The following CCR5AS variants were observed in gnomAD, a reference collection of about 807,000 sequenced individuals.
The protein encoded by CCR5AS is CCR5 antisense RNA.
intron 2 of CCR5AS, among the ~76,000 whole-genome samples, chr3:46,388,882 G>C (rs996590756): frequency 9.9e-5 from 15 of 152,216 alleles, no homozygotes; most frequent in African/African-American, 3.6e-4. Flanking sequence ...AGGGTGCCCT[G>C]TCAGCAAAGA....
intron 2 of CCR5AS, chr3:46,374,152 T>C (rs1054984862): frequency 5.2e-5 from 22 of 420,170 alleles, no homozygotes; most frequent in Middle Eastern, 1.3e-3. Flanking sequence ...CCATCAATTA[T>C]AGAAAGCCAA....
chr3:46,381,551 T>A (rs1252755808), intron 2 of CCR5AS, among the ~76,000 whole-genome samples: 1 of 152,214 alleles, frequency 6.6e-6, no homozygotes, highest in Non-Finnish European at 1.5e-5. Context: ...TTCCTCCTTT[T>A]GAAACTGCAT....
Position 46,398,702 on chromosome 3 carries a change from T to C in CCR5AS, n.164-5650A>G, listed in dbSNP as rs139112862. Among the ~76,000 whole-genome samples, 693 of 152,318 alleles carry C rather than the reference T, an allele frequency of 4.5e-3. 3 individuals are homozygous for C. Among genetic ancestry groups the C allele is most frequent in the Non-Finnish European group, 8.1e-3 (548 of 68,028 alleles). Reference sequence around the variant, plus strand: ...CAATAGGGTTTTTTAAATTCTTTTTTCTTGTCTTTTTTTCTTTTTTAATTT... The same window carrying C: ...CAATAGGGTTTTTTAAATTCTTTTTCCTTGTCTTTTTTTCTTTTTTAATTT... On this transcript the variant is annotated intron_variant and non_coding_transcript_variant, in intron 1 of 3. Coordinates refer to ENST00000451485, the Ensembl canonical transcript of CCR5AS.
At chr3:46,390,107 T>A (rs1194347082) in intron 2 of CCR5AS, among the ~76,000 whole-genome samples, 1 of 151,916 alleles carries the variant, frequency 6.6e-6, no homozygotes, top group Admixed American at 6.6e-5. Flanking sequence ...AGAAAGGGCC[T>A]GGCCAAAGTA....
intron 2 of CCR5AS, chr3:46,373,717 C>G (rs762989437): frequency 7.4e-6 from 12 of 1,613,988 alleles, no homozygotes; most frequent in Non-Finnish European, 9.3e-6. Flanking sequence ...TGCAGTAGCT[C>G]TAACAGGTTG....
chr3:46,368,932 G>A (rs1402938196), intron 3 of CCR5AS, among the ~76,000 whole-genome samples: 2 of 152,130 alleles, frequency 1.3e-5, no homozygotes, highest in African/African-American at 4.8e-5. Context: ...GTGTTGGTCC[G>A]GCAGCCTCCG....
intron 3 of CCR5AS, among the ~76,000 whole-genome samples, chr3:46,365,685 A>C (rs951711529): frequency 5.3e-5 from 8 of 152,150 alleles, no homozygotes; most frequent in Non-Finnish European, 8.8e-5. Context: ...GGGCCTAGAT[A>C]TGGTGGGGGC....
At chr3:46,390,259 T>G (rs775739032) in intron 2 of CCR5AS, among the ~76,000 whole-genome samples, 76 of 151,830 alleles carry the variant, frequency 5.0e-4, no homozygotes, top group Non-Finnish European at 9.4e-4. Flanking sequence ...ATCTTTGAGG[T>G]CGATAACAGA....
At chr3:46,404,532 T>C (rs1702030600) in intron 1 of CCR5AS, among the ~76,000 whole-genome samples, 1 of 151,762 alleles carries the variant, frequency 6.6e-6, no homozygotes, top group Admixed American at 6.6e-5. Flanking sequence ...GAGATGAAGT[T>C]TTGCCATGTC....
intron 1 of CCR5AS, among the ~76,000 whole-genome samples, chr3:46,394,611 G>A (rs761348258): frequency 8.5e-5 from 13 of 152,132 alleles, no homozygotes; most frequent in African/African-American, 1.4e-4. Context: ...CCAGCGAGAC[G>A]TCCTGAGATT....
At chr3:46,376,077 T>C (rs1401301134) in intron 2 of CCR5AS, 1 of 167,098 alleles carries the variant, frequency 6.0e-6, no homozygotes, top group Non-Finnish European at 1.5e-5. Flanking sequence ...AACAGTAGCA[T>C]AGGACCCTAC....
In CCR5AS at chr3:46,368,108, G is replaced by A. The variant is rs541907909; in HGVS notation, n.566-3063C>T. Among the ~76,000 whole-genome samples, 44 of 152,268 alleles carry A rather than the reference G, an allele frequency of 2.9e-4. 1 individual carries two copies. Among genetic ancestry groups the A allele is most frequent in the Non-Finnish European group, 7.4e-5 (5 of 68,012 alleles). ...AAAATATGGTCCAGAAATGGTGTGA[G>A]CAAGGAGACAGCAAAGCAATGCTTG... On this transcript the variant is annotated intron_variant and non_coding_transcript_variant, in intron 3 of 3. Coordinates refer to ENST00000451485, the Ensembl canonical transcript of CCR5AS.
intron 2 of CCR5AS, among the ~76,000 whole-genome samples, chr3:46,380,701 GC>G (rs1362299068): frequency 2.0e-5 from 3 of 152,240 alleles, no homozygotes; most frequent in Non-Finnish European, 2.9e-5. Context: ...TTCACGATCA[GC>G]ACCTGTGTGC....
intron 1 of CCR5AS, among the ~76,000 whole-genome samples, chr3:46,405,874 T>G (rs1024470544): frequency 1.3e-5 from 2 of 151,096 alleles, no homozygotes; most frequent in African/African-American, 2.4e-5. Context: ...TCCTCCTCCT[T>G]CTTCTTTTTT....
At chr3:46,392,476 G>A (rs112368251) in intron 2 of CCR5AS, among the ~76,000 whole-genome samples, 20,419 of 152,122 alleles carry the variant, frequency 0.13, 1,513 homozygotes, top group Non-Finnish European at 0.15. Context: ...GGAGAAGGGG[G>A]GAGGTGAGCA....
At chr3:46,364,597 A>G (rs921851574) in exon 4 of CCR5AS, among the ~76,000 whole-genome samples, 1 of 151,950 alleles carries the variant, frequency 6.6e-6, no homozygotes, top group African/African-American at 2.4e-5. Context: ...TTCAAGTCTT[A>G]TTAAGAAATA....
intron 2 of CCR5AS, chr3:46,374,198 A>G (rs183840358): frequency 2.4e-5 from 9 of 376,240 alleles, no homozygotes; most frequent in African/African-American, 8.3e-5. Context: ...CAACCTTTTT[A>G]TCTCCCCTTC....
At chr3:46,370,113 A>G (rs1285343571) in intron 3 of CCR5AS, among the ~76,000 whole-genome samples, 1 of 152,064 alleles carries the variant, frequency 6.6e-6, no homozygotes, top group Non-Finnish European at 1.5e-5. Context: ...TTGACCATAT[A>G]CTTATGTCAT....
At chr3:46,373,892 G>A (rs35853487) in intron 2 of CCR5AS, 1 of 1,611,440 alleles carries the variant, frequency 6.2e-7, no homozygotes, top group East Asian at 2.2e-5. Flanking sequence ...TCCAGCAAGA[G>A]GCTCCCGAGC....
Sources: gnomAD v4.1 joint callset for allele counts (sites outside exome capture counted in the v4.1 genomes callset) on GRCh38, gnomAD v4.1.1 for gene constraint, MANE v1.5 for transcripts, NCBI Gene and HGNC (gene_info 2026-07-23, HGNC 2026-07-21) for gene names.